The following RAB22A variants were observed in gnomAD, a reference collection of about 807,000 sequenced individuals.
RAB22A encodes the protein RAB22A, member RAS oncogene family.
Under a neutral mutation model 30.2 loss-of-function variants are expected in RAB22A, and 13 were observed. The observed-to-expected ratio is 0.43, with a 90% CI of 0.28 to 0.68. RAB22A has a LOEUF of 0.68. Ranked by LOEUF, RAB22A falls within the 30% of genes least tolerant of loss-of-function variation. The pLI is 0.18. For missense variants in RAB22A, 177 were observed against 246.8 expected, an observed-to-expected ratio of 0.72 and a Z score of 1.89; for synonymous variants, 89 against 87.2, an observed-to-expected ratio of 1.02 and a Z score of -0.11.
chr20:58,321,083 A>G (rs954082455), intron 2 of RAB22A, among the ~76,000 whole-genome samples: 1 of 151,728 alleles, frequency 6.6e-6, no homozygotes, highest in Admixed American at 6.6e-5. Flanking sequence ...CCAGCTATTC[A>G]GGAGGCCGAG....
At chr20:58,310,079 C>T in intron 1 of RAB22A, 67 bp downstream of exon 1, 4 of 1,228,670 alleles carry the variant, frequency 3.3e-6, no homozygotes, top group Non-Finnish European at 4.1e-6. Flanking sequence ...CCGGATCCCC[C>T]CTGTCCCCTC....
intron 2 of RAB22A, among the ~76,000 whole-genome samples, chr20:58,341,182 C>G (rs563736328): frequency 1.3e-5 from 2 of 152,254 alleles, no homozygotes; most frequent in East Asian, 3.9e-4. Flanking sequence ...CCTGTTTTCT[C>G]TGAGAAGGCT....
intron 2 of RAB22A, among the ~76,000 whole-genome samples, chr20:58,312,279 CTT>C (rs200841573): frequency 3.6e-4 from 49 of 134,256 alleles, no homozygotes; most frequent in Non-Finnish European, 4.0e-4. Flanking sequence ...TTTTTGTCTG[CTT>C]TTTTTTTTTT....
At chr20:58,355,959 C>G (rs1987123117) in intron 6 of RAB22A, among the ~76,000 whole-genome samples, 1 of 152,184 alleles carries the variant, frequency 6.6e-6, no homozygotes, top group Non-Finnish European at 1.5e-5. Flanking sequence ...TGTGTGGTGT[C>G]ATGAGTATGT....
chr20:58,348,772 C>A (rs1009167851), intron 3 of RAB22A, among the ~76,000 whole-genome samples: 2 of 147,328 alleles, frequency 1.4e-5, no homozygotes, highest in Admixed American at 1.4e-4. Flanking sequence ...ATAAAATACA[C>A]CAACGATAGC....
At chr20:58,345,912 C>G (rs1166773443) in intron 3 of RAB22A, 3 of 152,452 alleles carry the variant, frequency 2.0e-5, no homozygotes, top group African/African-American at 7.2e-5. Context: ...TTCCACAACT[C>G]TATTCAGCCT....
intron 2 of RAB22A, among the ~76,000 whole-genome samples, chr20:58,331,297 GT>G (rs113229334): frequency 2.6e-5 from 4 of 151,436 alleles, no homozygotes; most frequent in African/African-American, 9.7e-5. Flanking sequence ...ACCACACAGT[GT>G]TTTTTTTAAT....
In RAB22A at chr20:58,317,621, C is replaced by T. The variant is rs796141232; in HGVS notation, c.116+6499C>T. Among the ~76,000 whole-genome samples, 17 of 144,926 alleles carry T rather than the reference C, an allele frequency of 1.2e-4. 1 individual carries two copies. The highest frequency in any genetic ancestry group is 4.2e-4 in the Admixed American group (6 of 14,404). ...TCGCCCAGGCTGGAGTGCAGTGGCG[C>T]GATCTCGGCTCACTGCAAGCTCCGC... is the stretch of plus-strand genomic sequence containing the variant. On this transcript the variant is annotated intron_variant, in intron 2 of 6. Transcript: ENST00000244040.
chr20:58,357,514 G>T (rs559879315), intron 6 of RAB22A, among the ~76,000 whole-genome samples: 3 of 152,074 alleles, frequency 2.0e-5, no homozygotes, highest in South Asian at 4.1e-4. Context: ...TAGGTTTTTG[G>T]TTGCTGTTTT....
chr20:58,336,504 G>A (rs905293147), intron 2 of RAB22A, among the ~76,000 whole-genome samples: 10 of 152,054 alleles, frequency 6.6e-5, no homozygotes, highest in Non-Finnish European at 1.2e-4. Context: ...AATCTGGGGG[G>A]ATAAAAAGTA....
At chr20:58,337,425 A>G (rs976141445) in intron 2 of RAB22A, among the ~76,000 whole-genome samples, 6 of 152,284 alleles carry the variant, frequency 3.9e-5, no homozygotes, top group African/African-American at 1.2e-4. Context: ...CAATTTAATC[A>G]CATCGGGCAG....
chr20:58,311,860 T>C (rs142179931), intron 2 of RAB22A, among the ~76,000 whole-genome samples: 224 of 152,332 alleles, frequency 1.5e-3, no homozygotes, highest in African/African-American at 5.1e-3. Context: ...TCCATGCAGA[T>C]CATTCTTTGA....
intron 3 of RAB22A, among the ~76,000 whole-genome samples, chr20:58,352,365 A>G (rs1489089191): frequency 6.6e-6 from 1 of 152,200 alleles, no homozygotes; most frequent in African/African-American, 2.4e-5. Context: ...TAACAACAGG[A>G]TGTAAATACA....
intron 2 of RAB22A, among the ~76,000 whole-genome samples, chr20:58,341,070 A>C (rs1389684138): frequency 6.6e-6 from 1 of 152,212 alleles, no homozygotes; most frequent in Non-Finnish European, 1.5e-5. Context: ...ACTCAGCAAA[A>C]GTCAGAAAAA....
At chr20:58,335,523 T>C (rs568822722) in intron 2 of RAB22A, among the ~76,000 whole-genome samples, 1 of 152,328 alleles carries the variant, frequency 6.6e-6, no homozygotes, top group Non-Finnish European at 1.5e-5. Flanking sequence ...GTATGTAGTA[T>C]GTATTGCCAT....
At chr20:58,314,967 G>A (rs1986306715) in intron 2 of RAB22A, among the ~76,000 whole-genome samples, 1 of 152,168 alleles carries the variant, frequency 6.6e-6, no homozygotes, top group Non-Finnish European at 1.5e-5. Context: ...GAGGCGGGAG[G>A]GCAAGGGAGG....
chr20:58,362,684 A>G lies in RAB22A; in HGVS notation c.*2981A>G, dbSNP rs1186340460. On this transcript the variant is annotated 3_prime_UTR_variant, in exon 7 of 7. Coordinates refer to ENST00000244040, the MANE Select transcript of RAB22A (RefSeq NM_020673.3). Reference sequence around the variant, plus strand: ...TAAAAGAACATAAAGTAAGATTATGATTAAGTGTCCATCACCTGCCTGTCA... The same window carrying G: ...TAAAAGAACATAAAGTAAGATTATGGTTAAGTGTCCATCACCTGCCTGTCA... 6.6e-6 allele frequency: 1 copy of G among 152,262 alleles called. No homozygotes were observed. The highest frequency in any genetic ancestry group is 1.5e-5 in the Non-Finnish European group (1 of 68,052). 9.4% of individuals were successfully genotyped at this position (152,262 alleles called of 1,614,324 possible).
At chr20:58,318,424 T>A (rs1824925151) in intron 2 of RAB22A, among the ~76,000 whole-genome samples, 1 of 152,168 alleles carries the variant, frequency 6.6e-6, no homozygotes, top group Admixed American at 6.5e-5. Flanking sequence ...AATCTAAAAC[T>A]TTTTGAGCAA....
intron 2 of RAB22A, among the ~76,000 whole-genome samples, chr20:58,343,030 GA>G (rs1325771127): frequency 6.6e-6 from 1 of 152,192 alleles, no homozygotes; most frequent in Non-Finnish European, 1.5e-5. Flanking sequence ...GTAGCTCCCT[GA>G]AAGTGAGCGG....
Sources: gnomAD v4.1 joint callset for allele counts (sites outside exome capture counted in the v4.1 genomes callset) on GRCh38, gnomAD v4.1.1 for gene constraint, MANE v1.5 for transcripts, NCBI Gene and HGNC (gene_info 2026-07-23, HGNC 2026-07-21) for gene names.